The following SOCS7 variants were observed in gnomAD, a reference collection of about 807,000 sequenced individuals.
SOCS7 encodes the protein NAP-4.
In SOCS7, 18 loss-of-function variants were observed where a neutral mutation model predicts 58.9. The ratio of observed to expected loss-of-function variants is 0.31; its 90% CI spans 0.21 to 0.45. SOCS7 has a LOEUF of 0.45. SOCS7 is among the 20% of genes least tolerant of loss of function. SOCS7 has a pLI of 1.00. For missense variants in SOCS7, 667 were observed against 837.3 expected (o/e 0.80, Z 2.51); for synonymous variants, 388 against 364.3 (o/e 1.06, Z -0.74).
intron 6 of SOCS7, 115 bp downstream of exon 6, chr17:38,368,165 A>G: frequency 1.1e-6 from 1 of 912,614 alleles, no homozygotes; most frequent in Non-Finnish European, 1.6e-6. Flanking sequence ...GGGAAAAATT[A>G]TCTTAGACTC....
chr17:38,378,773 G>C (rs1399444883), intron 7 of SOCS7, among the ~76,000 whole-genome samples: 4 of 152,132 alleles, frequency 2.6e-5, no homozygotes, highest in Non-Finnish European at 5.9e-5. Flanking sequence ...ATCTGTGGAG[G>C]GCAAGAGGGG....
At chr17:38,389,868 C>CATATATATATATGTACAT (rs2038135393) in intron 7 of SOCS7, among the ~76,000 whole-genome samples, 283 of 18,382 alleles carry the variant, frequency 0.015, 16 homozygotes, top group Admixed American at 0.035. Flanking sequence ...TATGTGTGTA[C>CATATATATATATGTACAT]ATATATATAT....
rs1216267517 is a variant in SOCS7, at chr17:38,395,318, C to A, written c.1691C>A (p.Pro564Gln). ...FLRSRVPGLP[P>Q]TPVQLLYPVS... The stretch of plus-strand genomic sequence containing the variant: ...GTTTTCTTTCTTGAAGGACTGCCAC[C>A]AACTCCTGTCCAGCTGCTCTATCCA... Residue 564 changes from proline to glutamine, a missense_variant, in exon 8 of 10, where the codon CCA becomes CAA. Pro to Gln is a moderately conservative substitution (Grantham distance 76). This residue lies in a region of SOCS7 where 76 missense variants were observed against 194.5 expected (regional missense o/e 0.39). Transcript: ENST00000612932. 4 of 1,613,692 alleles carry A rather than the reference C, an allele frequency of 2.5e-6. No individual in the cohort carries two copies. Among genetic ancestry groups the A allele is most frequent in the Non-Finnish European group, 2.5e-6 (3 of 1,179,854 alleles).
In SOCS7 at chr17:38,403,038, G is replaced by C. The variant is rs752700355; in HGVS notation, c.*3556G>C. ...GGCACTAGGTAAGTGGGTGGCAACCGGCTCTTTGGGACCATTGGTGCTGAC... is the reference window on the plus strand; with the variant it reads ...GGCACTAGGTAAGTGGGTGGCAACCCGCTCTTTGGGACCATTGGTGCTGAC... On this transcript the variant is annotated 3_prime_UTR_variant, in exon 10 of 10. Coordinates refer to ENST00000612932, the MANE Select transcript of SOCS7 (RefSeq NM_014598.4). The C allele has an allele frequency of 6.6e-5, 10 of 152,182 alleles. No homozygotes were observed. Among genetic ancestry groups the C allele is most frequent in the Non-Finnish European group, 2.9e-5 (2 of 68,054 alleles). 9.4% of individuals were successfully genotyped at this position (152,182 alleles called of 1,614,324 possible).
chr17:38,394,155 G>T (rs2038214640), intron 7 of SOCS7, among the ~76,000 whole-genome samples: 1 of 152,190 alleles, frequency 6.6e-6, no homozygotes. Flanking sequence ...TCTCCATGCT[G>T]TGGCGTGGGG....
chr17:38,379,849 T>G (rs1025498382), intron 7 of SOCS7, among the ~76,000 whole-genome samples: 4 of 151,990 alleles, frequency 2.6e-5, no homozygotes, highest in African/African-American at 7.3e-5. Flanking sequence ...TTTTGGGGGG[T>G]TTTTATTTAA....
rs1555568626 is a variant in SOCS7 at position 38,367,918 on chromosome 17, G to A, written c.1420G>A (p.Ala474Thr). 3 of 1,614,074 alleles carry A rather than the reference G, an allele frequency of 1.9e-6. No individual in the cohort carries two copies. The highest frequency in any genetic ancestry group is 2.5e-6 in the Non-Finnish European group (3 of 1,180,026). Residue 474 changes from alanine (A) to threonine (T), a missense_variant, in exon 6 of 10, where the codon GCA becomes ACA. Coordinates refer to ENST00000612932, the MANE Select transcript of SOCS7 (RefSeq NM_014598.4). ...TTGGGGGCCAATGAATTGGGAAGAT[G>A]CAGAGATGAAGCTGAAAGGGAAACC... ...WYWGPMNWED[A>T]EMKLKGKPDG...
At chr17:38,382,427 G>T (rs1270754541) in intron 7 of SOCS7, among the ~76,000 whole-genome samples, 2 of 122,544 alleles carry the variant, frequency 1.6e-5, no homozygotes, top group African/African-American at 6.5e-5. Flanking sequence ...AATAGAGCGA[G>T]ACCCTATCTC....
At chr17:38,390,888 G>A (rs1265932026) in intron 7 of SOCS7, among the ~76,000 whole-genome samples, 1 of 151,838 alleles carries the variant, frequency 6.6e-6, no homozygotes, top group Non-Finnish European at 1.5e-5. Flanking sequence ...TAGAGATGGG[G>A]TCTCACCGCA....
rs1016614676 is a variant in SOCS7 at position 38,352,696 on chromosome 17, T to A, written c.644T>A (p.Leu215Gln). 6.1e-5 allele frequency: 95 copies of A among 1,549,794 alleles called. No individual in the cohort carries two copies. Among genetic ancestry groups the A allele is most frequent in the Non-Finnish European group, 7.7e-5 (88 of 1,146,848 alleles). ...GRGGGGGGRL[L>Q]LQPPGPELPP... The stretch of plus-strand genomic sequence containing the variant: ...GGAGGAGGAGGGGGCGGCCGGCTTC[T>A]GCTGCAGCCCCCAGGCCCTGAATTA... The change falls in exon 1 of 10, where the codon CTG becomes CAG. Residue 215 changes from leucine (L) to glutamine (Q), a missense_variant. Coordinates refer to ENST00000612932, the MANE Select transcript of SOCS7 (RefSeq NM_014598.4). This position sits in a 1 kb window ranked among gnomAD's most constrained non-coding sequence, Gnocchi z 5.5.
chr17:38,365,224 T>TA (rs963859120), intron 3 of SOCS7, 84 bp from the exon 4 acceptor site: 40 of 1,014,238 alleles, frequency 3.9e-5, no homozygotes, highest in Non-Finnish European at 5.7e-5. Context: ...GGCAGCCTGA[T>TA]AGTCCTTCTC....
intron 7 of SOCS7, among the ~76,000 whole-genome samples, chr17:38,384,932 T>TATTG (rs1326374381): frequency 6.9e-6 from 1 of 143,956 alleles, no homozygotes; most frequent in Non-Finnish European, 1.5e-5. Flanking sequence ...GTTTTGCTCT[T>TATTG]ATTGTCCAGG....
At chr17:38,392,026 GT>G (rs1385964765) in intron 7 of SOCS7, among the ~76,000 whole-genome samples, 3 of 152,322 alleles carry the variant, frequency 2.0e-5, no homozygotes, top group Admixed American at 2.0e-4. Flanking sequence ...CTGGAAGAAA[GT>G]TACTGACGAT....
At chr17:38,383,793 CT>C (rs1018414463) in intron 7 of SOCS7, among the ~76,000 whole-genome samples, 9 of 152,178 alleles carry the variant, frequency 5.9e-5, no homozygotes, top group African/African-American at 2.2e-4. Context: ...ATCCACCCGC[CT>C]CGGCCTCCCA....
At chr17:38,380,198 A>G (rs867417681) in intron 7 of SOCS7, among the ~76,000 whole-genome samples, 1 of 152,214 alleles carries the variant, frequency 6.6e-6, no homozygotes, top group Non-Finnish European at 1.5e-5. Context: ...TTAGCATTGT[A>G]TTAAGGGCTA....
chr17:38,366,935 T>C (rs2037797779), intron 5 of SOCS7, among the ~76,000 whole-genome samples: 1 of 152,256 alleles, frequency 6.6e-6, no homozygotes, highest in South Asian at 2.1e-4. Flanking sequence ...TAAAGGTTGT[T>C]GGAGAAATGT....
chr17:38,375,216 AAGTC>A (rs1432248680), intron 6 of SOCS7, among the ~76,000 whole-genome samples: 5 of 152,128 alleles, frequency 3.3e-5, no homozygotes, highest in Non-Finnish European at 5.9e-5. Flanking sequence ...AAAGCAAAAA[AAGTC>A]AGACAAATTA....
Position 38,377,795 on chromosome 17 carries a change from A to G in SOCS7, c.1634A>G (p.His545Arg). Residue 545 changes from histidine (H) to arginine (R), a missense_variant, in exon 7 of 10, where the codon CAC (histidine) becomes CGC (arginine). His to Arg is a conservative substitution (Grantham distance 29, BLOSUM62 0). This residue lies in a region of SOCS7 where 76 missense variants were observed against 194.5 expected (regional missense o/e 0.39). Coordinates refer to ENST00000612932, the MANE Select transcript of SOCS7 (RefSeq NM_014598.4). ...GAGTTTATTAAGAGAGCCATTATGC[A>G]CTCCAAGAATGGAAAGTTTCTCTAT... ...VVEFIKRAIM[H>R]SKNGKFLYFL... 6.2e-7 allele frequency: 1 copy of G among 1,613,548 alleles called. No homozygotes were observed. The highest frequency in any genetic ancestry group is 1.1e-5 in the South Asian group (1 of 90,996).
At chr17:38,364,529 T>C (rs1329073369) in intron 2 of SOCS7, among the ~76,000 whole-genome samples, 4 of 152,214 alleles carry the variant, frequency 2.6e-5, no homozygotes, top group Admixed American at 2.0e-4. Flanking sequence ...CCCATGGTTT[T>C]GTCCTAAAGA....
Sources: allele counts gnomAD v4.1 joint callset (sites outside exome capture counted in the v4.1 genomes callset), GRCh38; gene constraint gnomAD v4.1.1; regional missense constraint gnomAD v4.1.1; non-coding constraint Gnocchi (gnomAD v3.1); transcripts MANE v1.5; gene names NCBI Gene and HGNC (gene_info 2026-07-23, HGNC 2026-07-21).